The following LAMA4 variants were observed in gnomAD, a reference collection of about 807,000 sequenced individuals.
The protein encoded by LAMA4 is laminin subunit alpha 4, also known as laminin subunit alpha-4.
A neutral mutation model predicts 207.1 loss-of-function variants in LAMA4; 127 were observed. That is an observed-to-expected ratio of 0.61 (90% CI 0.53 to 0.71). The LOEUF (loss-of-function observed/expected upper bound fraction) is 0.71, where lower values mean the gene tolerates loss of function less well. LAMA4 is among the 30% of genes least tolerant of loss of function. LAMA4 has a pLI of 0.00. For synonymous variants in LAMA4, 761 were observed against 816.0 expected (o/e 0.93, Z 1.15); for missense variants, 2,093 against 2,246.5 (o/e 0.93, Z 1.38).
intron 2 of LAMA4, among the ~76,000 whole-genome samples, chr6:112,235,184 C>T (rs560590813): frequency 2.0e-5 from 3 of 152,308 alleles, no homozygotes; most frequent in South Asian, 4.1e-4. Flanking sequence ...CCCTGAAATA[C>T]CCCTTTTTCC....
chr6:112,130,211 T>G, intron 29 of LAMA4, 171 bp from the exon 30 acceptor site: 1 of 617,030 alleles, frequency 1.6e-6, no homozygotes, highest in Non-Finnish European at 2.9e-6. Flanking sequence ...GGTTGGATAT[T>G]TCTATATGCA....
Position 112,207,030 on chromosome 6 carries a change from T to C in LAMA4, c.413A>G (p.His138Arg), listed in dbSNP as rs1784096233. ...FCQPCPCPLP[H>R]LANFAESCYR... Reference sequence around the variant, plus strand: ...CTCCTTTAGGACTTACTTGGCCAAGTGGGGCAGGGGACAGGGGCACGGCTG... The same window carrying C: ...CTCCTTTAGGACTTACTTGGCCAAGCGGGGCAGGGGACAGGGGCACGGCTG... Residue 138 changes from histidine to arginine, a missense_variant, in exon 4 of 39, where the codon CAC (histidine) becomes CGC (arginine). Physicochemically the swap from His to Arg is conservative, Grantham distance 29. Coordinates refer to ENST00000230538, the MANE Select transcript of LAMA4 (RefSeq NM_001105206.3). The C allele has an allele frequency of 1.2e-6, 2 of 1,613,592 alleles. No homozygotes were observed. Among genetic ancestry groups the C allele is most frequent in the Non-Finnish European group, 1.7e-6 (2 of 1,179,892 alleles).
At chr6:112,148,690 A>G (rs1305262012) in intron 17 of LAMA4, among the ~76,000 whole-genome samples, 1 of 138,248 alleles carries the variant, frequency 7.2e-6, no homozygotes, top group Non-Finnish European at 1.6e-5. Flanking sequence ...TATAGAAGTT[A>G]ATCAATAAAG....
chr6:112,134,612 G>A lies in LAMA4; in HGVS notation c.3415-3C>T. The A allele has an allele frequency of 6.2e-7, 1 of 1,601,278 alleles. No homozygotes were observed. Among genetic ancestry groups the A allele is most frequent in the Non-Finnish European group, 8.5e-7 (1 of 1,170,374 alleles). ...TCATTGTGGTAAATGATTGAGATCT[G>A]GGAGAGATAATATATAGTAAGCCTT... On this transcript the variant is annotated splice_polypyrimidine_tract_variant and splice_region_variant and intron_variant, in intron 25 of 38. Transcript: ENST00000230538.
intron 28 of LAMA4, among the ~76,000 whole-genome samples, chr6:112,131,647 C>G (rs1554329837): frequency 6.6e-6 from 1 of 152,106 alleles, no homozygotes; most frequent in Non-Finnish European, 1.5e-5. Context: ...CTTCTTAAGT[C>G]TGCCCTCAAA....
chr6:112,235,707 A>G lies in LAMA4; in HGVS notation c.195+18249T>C, dbSNP rs1785870306. Among the ~76,000 whole-genome samples, 3 of 152,098 alleles carry G rather than the reference A, an allele frequency of 2.0e-5. No homozygotes were observed. In the South Asian group the frequency reaches 6.2e-4, roughly 32 times the overall value. On this transcript the variant is annotated intron_variant, in intron 2 of 38. Transcript: ENST00000230538. ...TCTTTCTTTCTTCCTTTTAAGATCA[A>G]GGATGTTTTGTTTATTTTTATGTGA... is the stretch of plus-strand genomic sequence containing the variant.
rs147363438 is a variant in LAMA4, at chr6:112,135,238, A to T, written c.3415-629T>A. On this transcript the variant is annotated intron_variant, in intron 25 of 38. Transcript: ENST00000230538. ...GATTTCGAGAACTTACTCACCTAGC[A>T]CAACTGAAACTGTATACACATTGAA... Among the ~76,000 whole-genome samples the T allele has an allele frequency of 2.7e-3, 417 of 152,294 alleles. 3 individuals are homozygous for T. The highest frequency in any genetic ancestry group is 9.8e-3 in the South Asian group (47 of 4,820).
In LAMA4 at chr6:112,140,808, G is replaced by C; in HGVS notation, c.2928C>G (p.Asp976Glu). Residue 976 changes from aspartate to glutamate, a missense_variant, in exon 22 of 39, where the codon GAC (aspartate) becomes GAG (glutamate). Around this residue, in one of 3 missense-constraint regions of LAMA4, gnomAD observed 1,704 missense variants for 1,788.4 expected, o/e 0.95. Transcript: ENST00000230538. Reference protein sequence around the residue: ...FSGDDSLLDLDPEDTVFYVGG... With the variant: ...FSGDDSLLDLEPEDTVFYVGG... ...CAACATAAAACACTGTGTCCTCAGG[G>C]TCCAGGTCCAGCAGAGAGTCATCTC... The C allele has an allele frequency of 6.2e-7, 1 of 1,614,024 alleles. No homozygotes were observed.
intron 4 of LAMA4, among the ~76,000 whole-genome samples, chr6:112,205,395 G>C (rs1374581016): frequency 6.6e-6 from 1 of 152,066 alleles, no homozygotes; most frequent in Non-Finnish European, 1.5e-5. Flanking sequence ...ATACTGGGCT[G>C]GTAAATGAAT....
intron 3 of LAMA4, among the ~76,000 whole-genome samples, chr6:112,214,477 C>T (rs1554357970): frequency 6.6e-6 from 1 of 152,004 alleles, no homozygotes; most frequent in African/African-American, 2.4e-5. Context: ...TTACTTTGTA[C>T]TTCAAGCCAT....
At chr6:112,160,876 C>T (rs1231994574) in intron 13 of LAMA4, among the ~76,000 whole-genome samples, 2 of 152,196 alleles carry the variant, frequency 1.3e-5, no homozygotes, top group Non-Finnish European at 2.9e-5. Flanking sequence ...GAAAATCTGA[C>T]CATGTTATTT....
chr6:112,118,857 A>G lies in LAMA4; in HGVS notation c.4821+299T>C, dbSNP rs1477494139. Among the ~76,000 whole-genome samples the G allele has an allele frequency of 2.0e-5, 3 of 152,106 alleles. No homozygotes were observed. The highest frequency in any genetic ancestry group is 2.9e-5 in the Non-Finnish European group (2 of 68,014). ...TTTGTTATGTCTTTACATTAAAAGT[A>G]TGGGTACTTCCTGAACAAATAAGAT... On this transcript the variant is annotated intron_variant, in intron 34 of 38. Coordinates refer to ENST00000230538, the MANE Select transcript of LAMA4 (RefSeq NM_001105206.3). The surrounding 1 kb of genome is among the most constrained non-coding windows in gnomAD (Gnocchi z 4.6).
At chr6:112,167,615 A>T (rs990796126) in intron 12 of LAMA4, among the ~76,000 whole-genome samples, 15 of 152,346 alleles carry the variant, frequency 9.8e-5, no homozygotes, top group Admixed American at 2.6e-4. Context: ...TAGAAGTCCA[A>T]GTTAATATGA....
In LAMA4 at chr6:112,150,567, C is replaced by T; in HGVS notation, c.2117G>A (p.Ser706Asn). 3 of 1,614,046 alleles carry T rather than the reference C, an allele frequency of 1.9e-6. No homozygotes were observed. Among genetic ancestry groups the T allele is most frequent in the Non-Finnish European group, 2.5e-6 (3 of 1,179,978 alleles). Residue 706 changes from serine (S) to asparagine (N), a missense_variant, in exon 17 of 39, where the codon AGT (serine) becomes AAT (asparagine). Coordinates refer to ENST00000230538, the MANE Select transcript of LAMA4 (RefSeq NM_001105206.3). The part of the protein sequence containing the change: ...RRVGGALARK[S>N]ALKTRLSDAV... ...ATCACTGAGTCTGGTTTTAAGGGCA[C>T]TTTTCCTTGCTAGGGCTCCACCCAC...
intron 13 of LAMA4, among the ~76,000 whole-genome samples, chr6:112,163,813 C>G (rs531000519): frequency 6.6e-6 from 1 of 152,056 alleles, no homozygotes; most frequent in African/African-American, 2.4e-5. Context: ...TAGTACAGCA[C>G]GTTTGTACGC....
chr6:112,171,039 C>T (rs1005749254), intron 12 of LAMA4, among the ~76,000 whole-genome samples: 4 of 152,136 alleles, frequency 2.6e-5, no homozygotes, highest in South Asian at 2.1e-4. Flanking sequence ...CTGAATGCCA[C>T]GTGAAAGAGC....
At position 112,211,127 on chromosome 6, in the gene LAMA4, T is replaced by C. The variant is rs74945289; in HGVS notation, c.298-3982A>G. 9.7e-4 allele frequency among the ~76,000 whole-genome samples: 148 copies of C among 152,292 alleles called. No homozygotes were observed. In the East Asian group the frequency reaches 0.027, roughly 28 times the overall value. ...TGAAAATGCAGATTATGAGTCAGGA[T>C]GTCTGCATCCTGAGGGTCTGCATTT... On this transcript the variant is annotated intron_variant, in intron 3 of 38. Coordinates refer to ENST00000230538, the MANE Select transcript of LAMA4 (RefSeq NM_001105206.3).
chr6:112,130,190 C>T, intron 29 of LAMA4, 150 bp from the exon 30 acceptor site: 1 of 676,044 alleles, frequency 1.5e-6, no homozygotes, highest in South Asian at 1.7e-5. Flanking sequence ...TCATGAGGCC[C>T]AGGATAAAAT....
At chr6:112,222,847 C>T (rs1184894095) in intron 2 of LAMA4, among the ~76,000 whole-genome samples, 3 of 152,230 alleles carry the variant, frequency 2.0e-5, no homozygotes, top group Non-Finnish European at 2.9e-5. Context: ...AGAAAATCCA[C>T]AGCCCCTACA....
Sources: allele counts gnomAD v4.1 joint callset (sites outside exome capture counted in the v4.1 genomes callset), GRCh38; gene constraint gnomAD v4.1.1; regional missense constraint gnomAD v4.1.1; non-coding constraint Gnocchi (gnomAD v3.1); transcripts MANE v1.5; gene names NCBI Gene and HGNC (gene_info 2026-07-23, HGNC 2026-07-21).